Variants in GNL2 observed in about 807,000 individuals in gnomAD.
The protein encoded by GNL2 is G protein nucleolar 2.
Under a neutral mutation model 92.3 loss-of-function variants are expected in GNL2, and 51 were observed. The ratio of observed to expected loss-of-function variants is 0.55; its 90% CI spans 0.44 to 0.70. The LOEUF is 0.70. Among genes scored for constraint, GNL2 ranks in the 30% least tolerant of loss-of-function variants. The pLI is 0.00. For synonymous variants in GNL2, 283 were observed against 300.6 expected (o/e 0.94, Z 0.61); for missense variants, 844 against 895.6 (o/e 0.94, Z 0.74).
At position 37,574,726 on chromosome 1, in the gene GNL2, G is replaced by T; in HGVS notation, c.1241C>A (p.Ser414Tyr). Residue 414 changes from serine (S) to tyrosine (Y), a missense_variant, in exon 11 of 16, where the codon TCT becomes TAT. Coordinates refer to ENST00000373062, the MANE Select transcript of GNL2 (RefSeq NM_013285.3). ...EYISKTYKIDSWENAEDFLEK... is the reference protein window; with the variant it reads ...EYISKTYKIDYWENAEDFLEK... ...AAGAAAGTCCTCAGCATTCTCCCAA[G>T]AATCAATCTTGTATGTTTTGCTGAT... 6.2e-7 allele frequency: 1 copy of T among 1,613,774 alleles called. No homozygotes were observed. The highest frequency in any genetic ancestry group is 8.5e-7 in the Non-Finnish European group (1 of 1,179,682).
intron 13 of GNL2, 47 bp downstream of exon 13, chr1:37,568,804 G>T: frequency 1.4e-6 from 2 of 1,436,136 alleles, no homozygotes; most frequent in Non-Finnish European, 1.9e-6. Context: ...GCAAATTTTT[G>T]GGAAAGGAAT....
At position 37,582,910 on chromosome 1, in the gene GNL2, A is replaced by G. The variant is rs1266321101; in HGVS notation, c.663T>C (p.Val221=). 4 of 1,612,990 alleles carry G rather than the reference A, an allele frequency of 2.5e-6. No individual in the cohort carries two copies. The African/African-American group carries it at 5.3e-5, about 22-fold the overall frequency. The stretch of plus-strand genomic sequence containing the variant: ...TTGGATCTCTAGCATCAAGAACTTG[A>G]ACTACAACATCTGATGAATCTATCA... ...YKVIDSSDVV[V]QVLDARDPMG... is the part of the protein sequence containing the mutation. The change falls in exon 7 of 16, where the codon GTT becomes GTC. Residue 221 remains valine (V), a synonymous_variant. Coordinates refer to ENST00000373062, the MANE Select transcript of GNL2 (RefSeq NM_013285.3).
At chr1:37,594,957 C>T (rs1005604325) in intron 1 of GNL2, among the ~76,000 whole-genome samples, 7 of 152,340 alleles carry the variant, frequency 4.6e-5, no homozygotes, top group African/African-American at 1.7e-4. Context: ...GGCTCTACTA[C>T]TACTCACTAA....
chr1:37,579,432 A>G, intron 8 of GNL2, among the ~76,000 whole-genome samples: 1 of 152,094 alleles, frequency 6.6e-6, no homozygotes, highest in East Asian at 1.9e-4. Context: ...CTGTAATCCC[A>G]GCTACTCGGG....
chr1:37,580,565 A>G (rs1285063155), intron 8 of GNL2, among the ~76,000 whole-genome samples: 2 of 152,256 alleles, frequency 1.3e-5, no homozygotes, highest in African/African-American at 4.8e-5. Context: ...AAGAGGTCCT[A>G]TAAATAAGAG....
At chr1:37,584,245 T>A (rs1643816894) in intron 5 of GNL2, among the ~76,000 whole-genome samples, 1 of 151,920 alleles carries the variant, frequency 6.6e-6, no homozygotes, top group Admixed American at 6.6e-5. Context: ...GCCCAGGAGT[T>A]CGAGACCAGC....
intron 2 of GNL2, among the ~76,000 whole-genome samples, chr1:37,593,097 A>T (rs1033726551): frequency 3.3e-5 from 5 of 152,186 alleles, no homozygotes; most frequent in Non-Finnish European, 7.3e-5. Flanking sequence ...ACACATACAT[A>T]CTTGAGTTTT....
rs760558278 is a variant in GNL2 at position 37,569,032 on chromosome 1, A to C, written c.1687T>G (p.Ser563Ala). The change falls in exon 13 of 16, where the codon TCT becomes GCT. Residue 563 changes from serine (S) to alanine (A), a missense_variant. Ser to Ala is a moderately conservative substitution (Grantham distance 99). Coordinates refer to ENST00000373062, the MANE Select transcript of GNL2 (RefSeq NM_013285.3). ...SDLEEELESF[S>A]DEEEEEQEQQ... ...TCCTGTTCCTCCTCCTCTTCATCAG[A>C]AAAGCTCTCAAGCTCTTCCTCAAGA... is the stretch of plus-strand genomic sequence containing the variant. 5 of 1,614,106 alleles carry C rather than the reference A, an allele frequency of 3.1e-6. No homozygotes were observed. The highest frequency in any genetic ancestry group is 4.2e-6 in the Non-Finnish European group (5 of 1,180,014).
rs766702707 is a variant in GNL2, at chr1:37,569,044, G to C, written c.1675C>G (p.Leu559Val). The change falls in exon 13 of 16, where the codon CTT becomes GTT. Residue 559 changes from leucine to valine, a missense_variant. Leu to Val is a conservative substitution (Grantham distance 32). Transcript: ENST00000373062. ...TCCTCTTCATCAGAAAAGCTCTCAA[G>C]CTCTTCCTCAAGATCTGACACCTCC... Reference protein sequence around the residue: ...PVEVSDLEEELESFSDEEEEE... With the variant: ...PVEVSDLEEEVESFSDEEEEE... The C allele has an allele frequency of 6.2e-7, 1 of 1,614,048 alleles. No individual in the cohort carries two copies.
At chr1:37,588,700 CAA>C (rs558035368) in intron 4 of GNL2, among the ~76,000 whole-genome samples, 21 of 152,194 alleles carry the variant, frequency 1.4e-4, no homozygotes, top group Non-Finnish European at 2.8e-4. Context: ...AGCACATATG[CAA>C]AGTTACAGTA....
intron 8 of GNL2, among the ~76,000 whole-genome samples, chr1:37,579,895 C>CAAAAAA (rs34353424): frequency 0.011 from 777 of 73,828 alleles, 6 homozygotes; most frequent in Non-Finnish European, 0.017. Flanking sequence ...GACTCTGCCT[C>CAAAAAA]AAAAAAAAAA....
In GNL2 at chr1:37,585,319, A is replaced by G. The variant is rs530791450; in HGVS notation, c.570-1386T>C. On this transcript the variant is annotated intron_variant, in intron 5 of 15. Transcript: ENST00000373062. ...GGTGATCCGCCCGCCTCAGCCTCCC[A>G]AAGTGCTAGCATTACAGGTGTGAGC... 2.8e-4 allele frequency among the ~76,000 whole-genome samples: 43 copies of G among 152,166 alleles called. 1 individual carries two copies. Among genetic ancestry groups the G allele is most frequent in the African/African-American group, 1.0e-3 (43 of 41,542 alleles).
At chr1:37,579,626 A>T (rs1024387662) in intron 8 of GNL2, among the ~76,000 whole-genome samples, 4 of 151,978 alleles carry the variant, frequency 2.6e-5, no homozygotes, top group Admixed American at 6.6e-5. Flanking sequence ...GGCCAGGTGC[A>T]GTGGCTCATG....
rs375789495 is a variant in GNL2, at chr1:37,582,209, T to A, written c.909+14A>T. The A allele has an allele frequency of 2.6e-6, 4 of 1,537,480 alleles. No homozygotes were observed. The African/African-American group carries it at 5.5e-5, about 21-fold the overall frequency. On this transcript the variant is annotated intron_variant, in intron 8 of 15. Transcript: ENST00000373062. ...GCTACACAACTCCAGGAGAAACAGA[T>A]CAGGGCTCAATACCTTTCCAAACTG...
chr1:37,582,392 G>C (rs1643785045), intron 7 of GNL2, 56 bp from the exon 8 acceptor site: 1 of 1,019,570 alleles, frequency 9.8e-7, no homozygotes, highest in Admixed American at 2.2e-5. Context: ...TTTACATTAT[G>C]TGGAAGAATC....
Position 37,582,218 on chromosome 1 carries a change from A to C in GNL2, c.909+5T>G, listed in dbSNP as rs757952541. On this transcript the variant is annotated splice_donor_5th_base_variant and intron_variant, in intron 8 of 15. Transcript: ENST00000373062. ...CTCCAGGAGAAACAGATCAGGGCTC[A>C]ATACCTTTCCAAACTGCCGCAGAAG... 1 of 1,585,936 alleles carries C rather than the reference A, an allele frequency of 6.3e-7. No individual in the cohort carries two copies. Among genetic ancestry groups the C allele is most frequent in the South Asian group, 1.1e-5 (1 of 89,880 alleles).
At chr1:37,572,786 C>A (rs1276910772) in intron 12 of GNL2, among the ~76,000 whole-genome samples, 1 of 152,168 alleles carries the variant, frequency 6.6e-6, no homozygotes, top group Non-Finnish European at 1.5e-5. Flanking sequence ...GTTAGCCGGG[C>A]GTAAGTGTGG....
At chr1:37,593,585 T>C (rs1643901140) in intron 2 of GNL2, 177 bp downstream of exon 2, 2 of 539,734 alleles carry the variant, frequency 3.7e-6, no homozygotes, top group Non-Finnish European at 3.3e-6. Context: ...CAGCTACCCA[T>C]GTCCTTAACC....
intron 3 of GNL2, among the ~76,000 whole-genome samples, chr1:37,591,634 T>C (rs1394069593): frequency 6.6e-6 from 1 of 151,518 alleles, no homozygotes; most frequent in Non-Finnish European, 1.5e-5. Flanking sequence ...GCCTCCCAAG[T>C]AGCTGGGATT....
Sources: allele counts gnomAD v4.1 joint callset (sites outside exome capture counted in the v4.1 genomes callset), GRCh38; gene constraint gnomAD v4.1.1; transcripts MANE v1.5; gene names NCBI Gene and HGNC (gene_info 2026-07-23, HGNC 2026-07-21).